Variants in SPHKAP observed in about 807,000 individuals in gnomAD.
SPHKAP encodes the protein SPHK1 interactor, AKAP domain containing.
A neutral mutation model predicts 137.5 loss-of-function variants in SPHKAP; 67 were observed. The observed-to-expected ratio is 0.49, with a 90% CI of 0.40 to 0.60. The LOEUF (loss-of-function observed/expected upper bound fraction) is 0.60. Ranked by LOEUF, SPHKAP falls within the 20% of genes least tolerant of loss-of-function variation. The pLI is 0.00. For missense variants in SPHKAP, 2,097 were observed against 2,069.3 expected (o/e 1.01, Z -0.26); for synonymous variants, 813 against 785.3 (o/e 1.04, Z -0.59).
intron 1 of SPHKAP, among the ~76,000 whole-genome samples, chr2:228,164,312 A>G (rs956640852): frequency 2.0e-5 from 3 of 152,104 alleles, no homozygotes; most frequent in African/African-American, 7.2e-5. Context: ...CTGAGCCACT[A>G]CTGGCTTCTT....
chr2:228,172,281 G>A (rs964138661), intron 1 of SPHKAP, among the ~76,000 whole-genome samples: 3 of 152,146 alleles, frequency 2.0e-5, no homozygotes, highest in African/African-American at 4.8e-5. Context: ...TGGGCAATGT[G>A]TGAATTGATA....
chr2:228,170,748 A>C (rs553154008), intron 1 of SPHKAP, among the ~76,000 whole-genome samples: 1 of 152,198 alleles, frequency 6.6e-6, no homozygotes, highest in African/African-American at 2.4e-5. Flanking sequence ...AACCAAAAAA[A>C]TTTTGTGCCT....
Position 228,022,241 on chromosome 2 carries a change from G to T in SPHKAP, c.442-275C>A, listed in dbSNP as rs189367343. 1.0e-4 allele frequency: 97 copies of T among 967,540 alleles called. 1 individual carries two copies. In the East Asian group the frequency reaches 6.3e-3, roughly 63 times the overall value. The allele number at this position is 967,540 out of a possible 1,614,324, so 59.9% of individuals were successfully genotyped here. On this transcript the variant is annotated intron_variant, in intron 5 of 11. Transcript: ENST00000392056. The stretch of plus-strand genomic sequence containing the variant: ...CCTTGGTCAAAGCAAAAATTCAACT[G>T]GGTAAAGTTAAACAGGCAAAGAAGA...
intron 1 of SPHKAP, among the ~76,000 whole-genome samples, chr2:228,150,362 T>G (rs1699892533): frequency 6.6e-6 from 1 of 152,150 alleles, no homozygotes; most frequent in South Asian, 2.1e-4. Flanking sequence ...AATTACCTAT[T>G]TATCAAATAT....
chr2:228,119,376 A>C (rs1698833150), intron 2 of SPHKAP, among the ~76,000 whole-genome samples: 1 of 151,912 alleles, frequency 6.6e-6, no homozygotes, highest in African/African-American at 2.4e-5. Flanking sequence ...TTTTAGTATA[A>C]TTTTGCAAAG....
At chr2:227,996,082 T>A in intron 7 of SPHKAP, 1 of 983,202 alleles carries the variant, frequency 1.0e-6, no homozygotes, top group South Asian at 4.7e-5. Context: ...TCTGCATTTT[T>A]ATCAATCACT....
chr2:228,037,353 T>C (rs1470975419), intron 3 of SPHKAP, among the ~76,000 whole-genome samples: 1 of 152,198 alleles, frequency 6.6e-6, no homozygotes, highest in Non-Finnish European at 1.5e-5. Flanking sequence ...ATTGGAAGAA[T>C]TTTACACAGA....
At chr2:228,109,866 G>A (rs1278636214) in intron 2 of SPHKAP, among the ~76,000 whole-genome samples, 1 of 140,550 alleles carries the variant, frequency 7.1e-6, no homozygotes, top group Non-Finnish European at 1.5e-5. Flanking sequence ...ACTGAGACAG[G>A]AGAATCACTT....
intron 3 of SPHKAP, among the ~76,000 whole-genome samples, chr2:228,053,722 T>C (rs965392528): frequency 4.6e-5 from 7 of 152,220 alleles, no homozygotes; most frequent in African/African-American, 1.7e-4. Flanking sequence ...TTATTAGTTA[T>C]TTCCTGGATT....
intron 2 of SPHKAP, among the ~76,000 whole-genome samples, chr2:228,122,835 T>A (rs1464094904): frequency 6.6e-6 from 1 of 152,180 alleles, no homozygotes; most frequent in African/African-American, 2.4e-5. Flanking sequence ...CCAGAGGGAA[T>A]GTGGTGGCTG....
intron 3 of SPHKAP, among the ~76,000 whole-genome samples, chr2:228,027,773 CT>C (rs1695102818): frequency 6.6e-6 from 1 of 151,922 alleles, no homozygotes; most frequent in Admixed American, 6.6e-5. Context: ...CGAGACCATC[CT>C]GGCCAACATG....
chr2:228,066,764 T>A (rs1696839045), intron 3 of SPHKAP, among the ~76,000 whole-genome samples: 1 of 152,208 alleles, frequency 6.6e-6, no homozygotes, highest in Admixed American at 6.5e-5. Context: ...GCAAAAGGAA[T>A]ATCCATTCTT....
intron 7 of SPHKAP, among the ~76,000 whole-genome samples, chr2:228,006,384 G>A (rs1484096849): frequency 6.6e-6 from 1 of 152,146 alleles, no homozygotes; most frequent in Non-Finnish European, 1.5e-5. Context: ...ACGGTTTTCA[G>A]CTTCATCAGG....
intron 2 of SPHKAP, among the ~76,000 whole-genome samples, chr2:228,109,718 C>T (rs1698456058): frequency 6.6e-6 from 1 of 152,094 alleles, no homozygotes; most frequent in Admixed American, 6.6e-5. Flanking sequence ...GTAATCCCAG[C>T]ACTTTGGGAG....
At chr2:228,063,873 T>G (rs1696742618) in intron 3 of SPHKAP, among the ~76,000 whole-genome samples, 1 of 152,214 alleles carries the variant, frequency 6.6e-6, no homozygotes, top group South Asian at 2.1e-4. Flanking sequence ...AATTATGTAT[T>G]TTGAGATGTC....
At chr2:228,000,969 C>T (rs1012081165) in intron 7 of SPHKAP, among the ~76,000 whole-genome samples, 5 of 152,066 alleles carry the variant, frequency 3.3e-5, no homozygotes, top group Non-Finnish European at 7.4e-5. Flanking sequence ...CCCCAAATGT[C>T]TTCAAAAGTG....
chr2:228,156,599 A>G, intron 1 of SPHKAP, among the ~76,000 whole-genome samples: 1 of 152,192 alleles, frequency 6.6e-6, no homozygotes, highest in South Asian at 2.1e-4. Context: ...TCATTCTTTT[A>G]TTCTTTCAAC....
chr2:228,073,405 A>G (rs946885550), intron 3 of SPHKAP, among the ~76,000 whole-genome samples: 10 of 152,250 alleles, frequency 6.6e-5, no homozygotes, highest in Non-Finnish European at 1.5e-4. Flanking sequence ...AACGGTCTAG[A>G]AAAACAGTAA....
At chr2:228,023,831 C>T (rs937157302) in intron 5 of SPHKAP, among the ~76,000 whole-genome samples, 2 of 152,146 alleles carry the variant, frequency 1.3e-5, no homozygotes, top group African/African-American at 4.8e-5. Context: ...TGACTTAAGC[C>T]TGGCCAATCT....
Sources: gnomAD v4.1 joint callset for allele counts (sites outside exome capture counted in the v4.1 genomes callset) on GRCh38, gnomAD v4.1.1 for gene constraint, MANE v1.5 for transcripts, NCBI Gene and HGNC (gene_info 2026-07-23, HGNC 2026-07-21) for gene names.